EEF2K: variants seen among roughly 807,000 people sequenced by gnomAD.
The protein encoded by EEF2K is alternative protein EEF2K.
In EEF2K, 70 loss-of-function variants were observed where a neutral mutation model predicts 93.8. That is an observed-to-expected ratio of 0.75 (90% CI 0.62 to 0.91). The LOEUF (loss-of-function observed/expected upper bound fraction) is 0.91, where lower values mean the gene tolerates loss of function less well. Ranked by LOEUF, EEF2K falls within the 40% of genes least tolerant of loss-of-function variation. The pLI is 0.00. For missense variants in EEF2K, 935 were observed against 972.9 expected (o/e 0.96, Z 0.52); for synonymous variants, 376 against 380.8 (o/e 0.99, Z 0.15).
intron 2 of EEF2K, among the ~76,000 whole-genome samples, chr16:22,242,496 G>T (rs559136404): frequency 1.3e-5 from 2 of 151,100 alleles, no homozygotes; most frequent in Admixed American, 1.3e-4. Flanking sequence ...TTTTAAAGTA[G>T]AGACGGGGTT....
intron 15 of EEF2K, among the ~76,000 whole-genome samples, chr16:22,272,690 G>T (rs995724961): frequency 2.1e-4 from 32 of 150,790 alleles, no homozygotes; most frequent in African/African-American, 7.1e-4. Flanking sequence ...TTTTGAGACG[G>T]TGTCTCTGTC....
At chr16:22,260,352 A>T in intron 10 of EEF2K, 110 bp from the exon 11 acceptor site, 2 of 688,488 alleles carry the variant, frequency 2.9e-6, no homozygotes, top group Non-Finnish European at 4.1e-6. Flanking sequence ...TTAAAGCTTA[A>T]AAAAAAAAAA....
intron 1 of EEF2K, among the ~76,000 whole-genome samples, chr16:22,211,092 G>T (rs904910058): frequency 3.3e-5 from 5 of 152,158 alleles, no homozygotes; most frequent in Admixed American, 6.5e-5. Flanking sequence ...GGCCAGGCAG[G>T]GGAGAAAGGA....
chr16:22,259,847 G>A (rs1284209090), intron 10 of EEF2K, among the ~76,000 whole-genome samples: 1 of 151,950 alleles, frequency 6.6e-6, no homozygotes, highest in Non-Finnish European at 1.5e-5. Context: ...CTACCTCCTG[G>A]GTTCAAGCGA....
chr16:22,265,462 T>C (rs1024424092), intron 13 of EEF2K, among the ~76,000 whole-genome samples: 2 of 152,178 alleles, frequency 1.3e-5, no homozygotes, highest in Admixed American at 6.5e-5. Flanking sequence ...CTTCAAATCC[T>C]ACCTGCTCTC....
rs368673875 is a variant in EEF2K at position 22,274,992 on chromosome 16, G to T, written c.1889+1242G>T. On this transcript the variant is annotated intron_variant, in intron 16 of 17. Transcript: ENST00000263026. The stretch of plus-strand genomic sequence containing the variant: ...GCCCATGGTCAAATATTTAGCAAGT[G>T]GCAGAGCCAACTTACATCTTCTCAC... Among the ~76,000 whole-genome samples, 8 of 152,282 alleles carry T rather than the reference G, an allele frequency of 5.3e-5. No homozygotes were observed. The East Asian group carries it at 5.8e-4, about 11-fold the overall frequency.
intron 2 of EEF2K, among the ~76,000 whole-genome samples, chr16:22,240,051 C>T (rs565715312): frequency 9.6e-5 from 14 of 146,432 alleles, no homozygotes; most frequent in African/African-American, 3.0e-4. Context: ...TGCAGTGAGC[C>T]GAGATCATGC....
intron 12 of EEF2K, 119 bp downstream of exon 12, chr16:22,263,306 A>G (rs1025907746): frequency 1.7e-5 from 15 of 903,322 alleles, no homozygotes; most frequent in Non-Finnish European, 2.4e-5. Context: ...GATAACAAGT[A>G]AATTAATAAA....
intron 10 of EEF2K, 97 bp from the exon 11 acceptor site, chr16:22,260,365 G>A (rs62044787): frequency 3.5e-6 from 4 of 1,151,966 alleles, no homozygotes; most frequent in South Asian, 1.5e-5. Flanking sequence ...AAAAAAAAAG[G>A]CTTGGTGGCA....
intron 6 of EEF2K, among the ~76,000 whole-genome samples, chr16:22,256,082 T>G (rs931900843): frequency 1.3e-5 from 2 of 151,606 alleles, no homozygotes; most frequent in African/African-American, 4.8e-5. Flanking sequence ...CCCAGCTAAT[T>G]TTTGTATTTT....
chr16:22,251,416 C>CTTTT, intron 6 of EEF2K, 94 bp downstream of exon 6: 15 of 1,129,980 alleles, frequency 1.3e-5, no homozygotes, highest in Non-Finnish European at 1.8e-5. Flanking sequence ...ATTTCACCTT[C>CTTTT]TTTTTTTTTT....
intron 15 of EEF2K, among the ~76,000 whole-genome samples, chr16:22,273,059 C>A (rs921843475): frequency 6.6e-6 from 1 of 152,146 alleles, no homozygotes; most frequent in Admixed American, 6.5e-5. Context: ...TTTTTTGCTT[C>A]ACCCAGAAAA....
At chr16:22,261,043 A>G (rs1412055127) in intron 11 of EEF2K, among the ~76,000 whole-genome samples, 1 of 152,158 alleles carries the variant, frequency 6.6e-6, no homozygotes, top group Non-Finnish European at 1.5e-5. Context: ...GCAAATTATA[A>G]TACTCTCTAT....
In EEF2K at chr16:22,216,930, G is replaced by T. The variant is rs188014791; in HGVS notation, c.-76-8724G>T. On this transcript the variant is annotated intron_variant, in intron 1 of 17. Transcript: ENST00000263026. ...TAATCCCAGCCCTTTGGGAGGCTGA[G>T]ATGGGTGGATCCCTTGAGTCCAGGA... is the stretch of plus-strand genomic sequence containing the variant. Among the ~76,000 whole-genome samples the T allele has an allele frequency of 1.8e-4, 28 of 152,122 alleles. No homozygotes were observed. In the East Asian group the frequency reaches 5.4e-3, roughly 29 times the overall value.
intron 2 of EEF2K, among the ~76,000 whole-genome samples, chr16:22,236,934 CTTTTTTTTTTTTTTTTTTTT>C (rs71151665): frequency 0.014 from 812 of 56,294 alleles, 21 homozygotes; most frequent in Non-Finnish European, 0.02. Context: ...CCACAGACCT[CTTTTTTTTTTTTTTTTTTTT>C]TTTTTTTTGA....
intron 6 of EEF2K, among the ~76,000 whole-genome samples, chr16:22,253,396 C>A (rs2047369694): frequency 6.6e-6 from 1 of 152,172 alleles, no homozygotes; most frequent in African/African-American, 2.4e-5. Flanking sequence ...AGCCACAGTC[C>A]CCACCCTGGG....
At chr16:22,215,481 C>T (rs1180521195) in intron 1 of EEF2K, among the ~76,000 whole-genome samples, 1 of 152,100 alleles carries the variant, frequency 6.6e-6, no homozygotes, top group Non-Finnish European at 1.5e-5. Context: ...GTAAATTGGT[C>T]CTTTCATTCT....
intron 6 of EEF2K, 88 bp downstream of exon 6, chr16:22,251,410 C>T: frequency 7.5e-7 from 1 of 1,340,004 alleles, no homozygotes; most frequent in Non-Finnish European, 1.0e-6. Context: ...ATCCCTATTT[C>T]ACCTTCTTTT....
intron 3 of EEF2K, 117 bp from the exon 4 acceptor site, chr16:22,248,638 G>A: frequency 8.0e-7 from 1 of 1,250,510 alleles, no homozygotes; most frequent in Non-Finnish European, 1.1e-6. Context: ...GGGCCAAGGT[G>A]GAGAGTGGGT....
Sources: allele counts gnomAD v4.1 joint callset (sites outside exome capture counted in the v4.1 genomes callset), GRCh38; gene constraint gnomAD v4.1.1; transcripts MANE v1.5; gene names NCBI Gene and HGNC (gene_info 2026-07-23, HGNC 2026-07-21).